SLC49A4: variants seen among roughly 807,000 people sequenced by gnomAD.
SLC49A4 encodes disrupted in renal cancer protein 2.
A neutral mutation model predicts 50.6 loss-of-function variants in SLC49A4; 36 were observed. The ratio of observed to expected loss-of-function variants is 0.71; its 90% CI spans 0.55 to 0.94. SLC49A4 has a LOEUF of 0.94. SLC49A4 is among the 40% of genes least tolerant of loss of function. The pLI is 0.00. For synonymous variants in SLC49A4, 248 were observed against 241.2 expected (o/e 1.03, Z -0.26); for missense variants, 503 against 605.7 (o/e 0.83, Z 1.78).
chr3:122,840,661 C>G (rs1020549804), intron 4 of SLC49A4, among the ~76,000 whole-genome samples: 1 of 151,988 alleles, frequency 6.6e-6, no homozygotes, highest in Middle Eastern at 3.2e-3. Flanking sequence ...ATATTTTGCA[C>G]TTAAAGCACA....
intron 4 of SLC49A4, among the ~76,000 whole-genome samples, chr3:122,839,932 C>T (rs1316650282): frequency 6.6e-6 from 1 of 152,128 alleles, no homozygotes; most frequent in East Asian, 1.9e-4. Context: ...AAGACGTATG[C>T]ACATGCACAT....
chr3:122,801,421 T>A (rs1936126421), intron 1 of SLC49A4, among the ~76,000 whole-genome samples: 1 of 151,930 alleles, frequency 6.6e-6, no homozygotes, highest in Non-Finnish European at 1.5e-5. Flanking sequence ...AGAAACCCCC[T>A]CTCTACTAAA....
chr3:122,875,490 A>G (rs1483654129), intron 8 of SLC49A4, among the ~76,000 whole-genome samples: 2 of 152,080 alleles, frequency 1.3e-5, no homozygotes, highest in Non-Finnish European at 2.9e-5. Context: ...AGCTGGGACC[A>G]CAAGCATGTG....
chr3:122,872,697 C>A, intron 8 of SLC49A4, 100 bp downstream of exon 8: 1 of 774,534 alleles, frequency 1.3e-6, no homozygotes, highest in Non-Finnish European at 1.9e-6. Flanking sequence ...CTCACCAAGG[C>A]AAATTACTTT....
chr3:122,822,026 C>T (rs191739287), intron 2 of SLC49A4, among the ~76,000 whole-genome samples: 4 of 152,238 alleles, frequency 2.6e-5, no homozygotes, highest in East Asian at 1.9e-4. Flanking sequence ...TGTGAGTTCC[C>T]GAGAGCATCC....
In SLC49A4 at chr3:122,850,654, C is replaced by CGCTAGGGCT. The variant is rs1215926088; in HGVS notation, c.942+4783_942+4784insGCTAGGGCT. On this transcript the variant is annotated intron_variant, in intron 5 of 8. Transcript: ENST00000261038. The stretch of plus-strand genomic sequence containing the variant: ...ACCCAAGTAGCTAGGGCTACAGGTG[C>CGCTAGGGCT]ACACCACCACGCCCAGCTAATTTTT... Among the ~76,000 whole-genome samples the CGCTAGGGCT allele has an allele frequency of 7.9e-5, 12 of 152,078 alleles. 1 individual carries two copies. The highest frequency in any genetic ancestry group is 1.9e-4 in the East Asian group (1 of 5,168).
intron 5 of SLC49A4, among the ~76,000 whole-genome samples, chr3:122,848,934 G>A (rs1352343204): frequency 1.3e-5 from 2 of 151,964 alleles, no homozygotes; most frequent in African/African-American, 4.8e-5. Flanking sequence ...CTGTATTTTT[G>A]TACCCCTTAA....
At chr3:122,852,660 C>CA (rs552543491) in intron 5 of SLC49A4, among the ~76,000 whole-genome samples, 21 of 152,122 alleles carry the variant, frequency 1.4e-4, no homozygotes, top group Non-Finnish European at 1.9e-4. Context: ...GAGGCTGTTC[C>CA]ATTTCTAGTT....
chr3:122,826,525 G>A (rs564552120), intron 2 of SLC49A4, among the ~76,000 whole-genome samples: 1 of 152,204 alleles, frequency 6.6e-6, no homozygotes, highest in South Asian at 2.1e-4. Context: ...GTACTTACAG[G>A]AAGTACTTAG....
At chr3:122,859,344 G>T (rs1028791136) in intron 6 of SLC49A4, among the ~76,000 whole-genome samples, 4 of 152,206 alleles carry the variant, frequency 2.6e-5, no homozygotes, top group African/African-American at 9.7e-5. Flanking sequence ...AGAAGAGAGA[G>T]CAGGGCCAGG....
At chr3:122,876,366 G>A (rs1450160356) in intron 8 of SLC49A4, among the ~76,000 whole-genome samples, 1 of 152,220 alleles carries the variant, frequency 6.6e-6, no homozygotes, top group East Asian at 1.9e-4. Flanking sequence ...ATGAATGTGA[G>A]GCTGTGTTGT....
Position 122,860,452 on chromosome 3 carries a change from G to T in SLC49A4, c.1138+250G>T, listed in dbSNP as rs940893626. ...GCCTTAACACATAGAGCATGGAAAT[G>T]CTTATATTTGTTTAAAATTTCTATC... On this transcript the variant is annotated intron_variant, in intron 7 of 8. Coordinates refer to ENST00000261038, the MANE Select transcript of SLC49A4 (RefSeq NM_032839.3). Among the ~76,000 whole-genome samples, 19 of 152,090 alleles carry T rather than the reference G, an allele frequency of 1.2e-4. 1 individual carries two copies. The highest frequency in any genetic ancestry group is 3.6e-4 in the African/African-American group (15 of 41,374).
At chr3:122,806,495 A>G (rs962092709) in intron 1 of SLC49A4, among the ~76,000 whole-genome samples, 14 of 152,068 alleles carry the variant, frequency 9.2e-5, no homozygotes, top group Non-Finnish European at 7.4e-5. Context: ...CTCATGCCTC[A>G]GCCTCCCGAG....
intron 2 of SLC49A4, among the ~76,000 whole-genome samples, chr3:122,826,062 A>T (rs1936522136): frequency 6.6e-6 from 1 of 152,174 alleles, no homozygotes; most frequent in Non-Finnish European, 1.5e-5. Flanking sequence ...CCCTAACCTA[A>T]CAGATGCTCC....
chr3:122,800,792 C>T (rs774314041), intron 1 of SLC49A4, among the ~76,000 whole-genome samples: 1 of 151,922 alleles, frequency 6.6e-6, no homozygotes, highest in Non-Finnish European at 1.5e-5. Context: ...TGCTTTTTTC[C>T]CCTCAGAAAA....
chr3:122,880,673 T>C lies in SLC49A4; in HGVS notation c.*1295T>C, dbSNP rs563005089. The stretch of plus-strand genomic sequence containing the variant: ...TTCCTCACTTGAAATTGAACCTTCA[T>C]TGTCAGCTAAGTATATATACTTTTG... On this transcript the variant is annotated 3_prime_UTR_variant, in exon 9 of 9. Coordinates refer to ENST00000261038, the MANE Select transcript of SLC49A4 (RefSeq NM_032839.3). 15 of 152,374 alleles carry C rather than the reference T, an allele frequency of 9.8e-5. No individual in the cohort carries two copies. Among genetic ancestry groups the C allele is most frequent in the African/African-American group, 3.6e-4 (15 of 41,570 alleles). The allele number at this position is 152,374 out of a possible 1,614,324, so 9.4% of individuals were successfully genotyped here. A position where few individuals can be genotyped will look rare whatever the true frequency, so the allele number is the denominator to read the frequency against.
chr3:122,874,324 G>A (rs181359249), intron 8 of SLC49A4, among the ~76,000 whole-genome samples: 1 of 152,294 alleles, frequency 6.6e-6, no homozygotes, highest in East Asian at 1.9e-4. Context: ...AAATGGAACC[G>A]ACGTCAGTCA....
At chr3:122,821,780 T>C (rs1412676291) in intron 2 of SLC49A4, among the ~76,000 whole-genome samples, 2 of 152,104 alleles carry the variant, frequency 1.3e-5, no homozygotes, top group African/African-American at 4.8e-5. Flanking sequence ...CCCTAAAACA[T>C]CCTTTTTTAA....
At chr3:122,839,977 G>T (rs1222398214) in intron 4 of SLC49A4, among the ~76,000 whole-genome samples, 3 of 152,108 alleles carry the variant, frequency 2.0e-5, no homozygotes, top group Admixed American at 6.6e-5. Flanking sequence ...CAATTCCAAA[G>T]ATATGGAACC....
Sources: allele counts gnomAD v4.1 joint callset (sites outside exome capture counted in the v4.1 genomes callset), GRCh38; gene constraint gnomAD v4.1.1; transcripts MANE v1.5; gene names NCBI Gene and HGNC (gene_info 2026-07-23, HGNC 2026-07-21).